SLC35D1: variants seen among roughly 807,000 people sequenced by gnomAD.
SLC35D1 encodes solute carrier family 35 member D1, also known as nucleotide sugar transporter SLC35D1.
SLC35D1 carries 31 observed loss-of-function variants against 46.7 expected under a neutral mutation model. That is an observed-to-expected ratio of 0.66 (90% CI 0.50 to 0.90). The LOEUF (loss-of-function observed/expected upper bound fraction) is 0.90, where lower values mean the gene tolerates loss of function less well. Ranked by LOEUF, SLC35D1 falls within the 40% of genes least tolerant of loss-of-function variation. SLC35D1 has a pLI of 0.00. For missense variants in SLC35D1, 397 were observed against 426.2 expected, an observed-to-expected ratio of 0.93 and a Z score of 0.60; for synonymous variants, 195 against 164.6, an observed-to-expected ratio of 1.18 and a Z score of -1.41.
At chr1:67,045,441 T>C (rs1645242563) in intron 7 of SLC35D1, among the ~76,000 whole-genome samples, 1 of 152,238 alleles carries the variant, frequency 6.6e-6, no homozygotes, top group South Asian at 2.1e-4. Context: ...TCTTTTACAA[T>C]CTGACTGTTT....
At chr1:67,042,598 G>A (rs1645202362) in intron 7 of SLC35D1, among the ~76,000 whole-genome samples, 1 of 151,968 alleles carries the variant, frequency 6.6e-6, no homozygotes, top group South Asian at 2.1e-4. Context: ...AATGACTACT[G>A]GCTGCCTCAA....
At chr1:67,008,987 T>A in intron 11 of SLC35D1, 98 bp downstream of exon 11, 1 of 617,498 alleles carries the variant, frequency 1.6e-6, no homozygotes, top group Non-Finnish European at 3.0e-6. Context: ...TGTTTAATAA[T>A]GAATAAATGT....
chr1:67,053,350 T>C (rs1645332050), intron 1 of SLC35D1, among the ~76,000 whole-genome samples: 2 of 151,368 alleles, frequency 1.3e-5, no homozygotes, highest in Admixed American at 6.6e-5. Flanking sequence ...AGGGAATAAT[T>C]GTCTGCTGGG....
the SLC35D1 span, among the ~76,000 whole-genome samples, chr1:66,977,195 C>T: frequency 2.0e-5 from 3 of 151,954 alleles, no homozygotes; most frequent in African/African-American, 4.8e-5. Flanking sequence ...CTGCAGCCTC[C>T]GTCTCCCGGC....
chr1:67,044,765 CAT>C (rs1247947597), intron 7 of SLC35D1, among the ~76,000 whole-genome samples: 3 of 152,124 alleles, frequency 2.0e-5, no homozygotes, highest in Admixed American at 2.0e-4. Flanking sequence ...ATCTTTATGC[CAT>C]ATGACTCATA....
the SLC35D1 span, chr1:66,986,331 T>TTA: frequency 6.4e-7 from 1 of 1,558,124 alleles, no homozygotes; most frequent in Non-Finnish European, 8.6e-7. Context: ...TAATGTAGTT[T>TTA]TATATAGCTG....
chr1:66,994,413 G>A (rs1667217209), downstream of SLC35D1, among the ~76,000 whole-genome samples: 1 of 152,174 alleles, frequency 6.6e-6, no homozygotes, highest in Non-Finnish European at 1.5e-5. Context: ...GGGAGGCCGA[G>A]GCGGGTGATC....
downstream of SLC35D1, among the ~76,000 whole-genome samples, chr1:66,997,057 T>C (rs972041819): frequency 6.6e-6 from 1 of 152,174 alleles, no homozygotes; most frequent in Non-Finnish European, 1.5e-5. Flanking sequence ...TTTGGCAGCA[T>C]ATCTTGGATA....
chr1:66,991,754 ATTATT>A, the SLC35D1 span, among the ~76,000 whole-genome samples: 2,776 of 152,006 alleles, frequency 0.018, 81 homozygotes, highest in African/African-American at 0.065. Flanking sequence ...AGCCTAAAAT[ATTATT>A]TTATTCAGAA....
the SLC35D1 span, among the ~76,000 whole-genome samples, chr1:66,993,612 T>C: frequency 1.8e-4 from 27 of 152,188 alleles, no homozygotes; most frequent in Admixed American, 9.2e-4. Context: ...GAGAAAAAGA[T>C]AGGCTTTACA....
chr1:66,980,700 T>G, the SLC35D1 span, among the ~76,000 whole-genome samples: 1 of 152,126 alleles, frequency 6.6e-6, no homozygotes, highest in African/African-American at 2.4e-5. Flanking sequence ...TTTATTGAGT[T>G]TCTTTCTGTT....
At chr1:66,995,902 A>G (rs565159992), downstream of SLC35D1, among the ~76,000 whole-genome samples, 1 of 152,366 alleles carries the variant, frequency 6.6e-6, no homozygotes, top group African/African-American at 2.4e-5. Flanking sequence ...TATCTGAAGG[A>G]TAAATAGGCA....
chr1:67,053,688 C>G (rs1645337077), intron 1 of SLC35D1, 123 bp downstream of exon 1: 1 of 1,012,654 alleles, frequency 9.9e-7, no homozygotes, highest in Admixed American at 4.4e-5. Context: ...CCCGCCCTCC[C>G]CAGCTCCCGC....
At chr1:66,974,553 GCAA>G in the SLC35D1 span, among the ~76,000 whole-genome samples, 11 of 152,062 alleles carry the variant, frequency 7.2e-5, no homozygotes, top group African/African-American at 2.7e-4. Flanking sequence ...ACAAGCAGCA[GCAA>G]CAACCCTGAC....
At chr1:67,045,559 T>C (rs1482873053) in intron 7 of SLC35D1, among the ~76,000 whole-genome samples, 4 of 151,918 alleles carry the variant, frequency 2.6e-5, no homozygotes. Context: ...AAGTAATCAA[T>C]GAACTTAAAA....
chr1:67,016,919 A>G (rs933690177), intron 10 of SLC35D1, among the ~76,000 whole-genome samples: 12 of 152,280 alleles, frequency 7.9e-5, no homozygotes, highest in Non-Finnish European at 1.5e-4. Context: ...CAGTTCCTTT[A>G]TAAGTTTCCT....
intron 8 of SLC35D1, among the ~76,000 whole-genome samples, chr1:67,028,646 G>A (rs997217727): frequency 3.3e-5 from 5 of 152,054 alleles, no homozygotes; most frequent in Non-Finnish European, 1.5e-5. Context: ...CCTTGTGTGT[G>A]TGCCTTTAAA....
the SLC35D1 span, among the ~76,000 whole-genome samples, chr1:66,992,260 A>T: frequency 6.6e-6 from 1 of 152,222 alleles, no homozygotes; most frequent in Non-Finnish European, 1.5e-5. Context: ...GTGGCTTTCA[A>T]ATTTTTGCTG....
At position 67,013,158 on chromosome 1, in the gene SLC35D1, A is replaced by ATATATATATATATATATG; in HGVS notation, c.877-3992_877-3991insCATATATATATATATATA. 1.4e-4 allele frequency among the ~76,000 whole-genome samples: 14 copies of ATATATATATATATATATG among 103,638 alleles called. 3 individuals are homozygous for ATATATATATATATATATG. Among genetic ancestry groups the ATATATATATATATATATG allele is most frequent in the South Asian group, 2.8e-4 (1 of 3,620 alleles). 68.0% of individuals were successfully genotyped at this position (103,638 alleles called of 152,430 possible). ...TAATTTAAGAACATATATCCTGGAG[A>ATATATATATATATATATG]TATATATATATCCTGTTCTTAAATT... On this transcript the variant is annotated intron_variant, in intron 10 of 11. Transcript: ENST00000235345.
Sources: gnomAD v4.1 joint callset for allele counts (sites outside exome capture counted in the v4.1 genomes callset) on GRCh38, gnomAD v4.1.1 for gene constraint, MANE v1.5 for transcripts, NCBI Gene and HGNC (gene_info 2026-07-23, HGNC 2026-07-21) for gene names.